Variants in SETBP1 observed in about 807,000 individuals in gnomAD.
SETBP1 encodes SET-binding protein.
SETBP1 carries 9 observed loss-of-function variants against 101.0 expected under a neutral mutation model. The ratio of observed to expected loss-of-function variants is 0.09; its 90% confidence interval spans 0.05 to 0.16. SETBP1 has a LOEUF of 0.16. Ranked by LOEUF, SETBP1 falls within the 10% of genes least tolerant of loss-of-function variation. The pLI, the probability that SETBP1 is intolerant of heterozygous loss-of-function variation, is 1.00. For missense variants in SETBP1, 1,858 were observed against 2,033.8 expected (o/e 0.91, Z 1.66); for synonymous variants, 818 against 788.5 (o/e 1.04, Z -0.63).
chr18:44,680,366 GCCAGCGGAGCCGGAGCCGCCGGGA>G (rs2068738234), upstream of SETBP1: 1 of 151,766 alleles, frequency 6.6e-6, no homozygotes, highest in Admixed American at 6.6e-5. Context: ...GAGCGCCGGG[GCCAGCGGAGCCGGAGCCGCCGGGA>G]CATGGGTGAG....
chr18:44,881,578 A>G (rs937900869), intron 3 of SETBP1, among the ~76,000 whole-genome samples: 3 of 152,136 alleles, frequency 2.0e-5, no homozygotes, highest in Admixed American at 6.5e-5. Flanking sequence ...TTCCATCGTG[A>G]TGTGTTTAGT....
chr18:44,874,041 T>C (rs950088524), intron 3 of SETBP1, among the ~76,000 whole-genome samples: 4 of 152,222 alleles, frequency 2.6e-5, no homozygotes, highest in Admixed American at 6.5e-5. Context: ...GCTTCCACAA[T>C]TGTTACCATT....
intron 1 of SETBP1, 103 bp from the exon 2 acceptor site, chr18:44,701,072 C>T (rs1397420859): frequency 3.8e-5 from 13 of 341,068 alleles, no homozygotes; most frequent in South Asian, 1.2e-4. Context: ...TTCTTTTTTC[C>T]GGATGCCATA....
intron 2 of SETBP1, among the ~76,000 whole-genome samples, chr18:44,781,603 A>G (rs1471190143): frequency 1.3e-5 from 2 of 151,956 alleles, no homozygotes; most frequent in African/African-American, 4.8e-5. Flanking sequence ...GGCATAAAAA[A>G]TGCCTAATCA....
chr18:45,047,311 A>G (rs577595171), intron 5 of SETBP1, among the ~76,000 whole-genome samples: 2 of 152,338 alleles, frequency 1.3e-5, no homozygotes, highest in South Asian at 2.1e-4. Flanking sequence ...CAAATATTCA[A>G]GCTTCTCTTT....
At chr18:44,878,264 C>G (rs1371597727) in intron 3 of SETBP1, among the ~76,000 whole-genome samples, 3 of 152,182 alleles carry the variant, frequency 2.0e-5, no homozygotes, top group African/African-American at 7.2e-5. Context: ...TCTATGATCC[C>G]TGGAGACTCC....
intron 2 of SETBP1, among the ~76,000 whole-genome samples, chr18:44,727,685 C>T (rs1462870555): frequency 6.6e-6 from 1 of 152,198 alleles, no homozygotes; most frequent in African/African-American, 2.4e-5. Context: ...AAATCAGATT[C>T]TCGAAGGTGA....
intron 4 of SETBP1, among the ~76,000 whole-genome samples, chr18:45,006,198 C>A (rs1022380638): frequency 6.6e-6 from 1 of 151,918 alleles, no homozygotes; most frequent in African/African-American, 2.4e-5. Context: ...ATGATCCTCC[C>A]ACCTTGGCCT....
At chr18:44,737,653 T>G (rs1372726201) in intron 2 of SETBP1, among the ~76,000 whole-genome samples, 2 of 152,266 alleles carry the variant, frequency 1.3e-5, no homozygotes, top group African/African-American at 4.8e-5. Context: ...GTCTGTAGGA[T>G]GAAGGCATTA....
At chr18:44,706,591 CAAAAAAAAAAA>C (rs1018470585) in intron 2 of SETBP1, among the ~76,000 whole-genome samples, 5 of 16,966 alleles carry the variant, frequency 2.9e-4, no homozygotes, top group African/African-American at 7.1e-4. Flanking sequence ...GACTCAATCT[CAAAAAAAAAAA>C]AAAAAAAAAA....
At position 44,952,103 on chromosome 18, in the gene SETBP1, T is replaced by A. The variant is rs1049541618; in HGVS notation, c.2763T>A (p.His921Gln). 4 of 1,613,964 alleles carry A rather than the reference T, an allele frequency of 2.5e-6. No individual in the cohort carries two copies. The highest frequency in any genetic ancestry group is 2.5e-6 in the Non-Finnish European group (3 of 1,180,002). Residue 921 changes from histidine (H) to glutamine (Q), a missense_variant, in exon 4 of 6, where the codon CAT (histidine) becomes CAA (glutamine). Physicochemically the swap from His to Gln is conservative, Grantham distance 24 (BLOSUM62 0). This residue lies in a region of SETBP1 where 255 missense variants were observed against 300.1 expected (regional missense o/e 0.85). Coordinates refer to ENST00000649279, the MANE Select transcript of SETBP1 (RefSeq NM_015559.3). The part of the protein sequence containing the change: ...TKNRHGHRQK[H>Q]LIVDNFLAHE... ...ACCGGCATGGCCACCGGCAAAAGCA[T>A]CTCATTGTGGACAACTTTCTGGCCC... is the stretch of plus-strand genomic sequence containing the variant.
intron 4 of SETBP1, among the ~76,000 whole-genome samples, chr18:45,016,362 T>A (rs1278179473): frequency 6.6e-6 from 1 of 152,004 alleles, no homozygotes; most frequent in Non-Finnish European, 1.5e-5. Context: ...TGCCCTAAAG[T>A]GACACCAAGG....
intron 2 of SETBP1, among the ~76,000 whole-genome samples, chr18:44,866,677 A>G (rs2069135953): frequency 6.6e-6 from 1 of 152,100 alleles, no homozygotes; most frequent in Admixed American, 6.5e-5. Context: ...ATACTAACAC[A>G]TGTTGGTGGG....
At chr18:44,912,571 C>G (rs987963963) in intron 3 of SETBP1, among the ~76,000 whole-genome samples, 8 of 152,038 alleles carry the variant, frequency 5.3e-5, no homozygotes, top group Non-Finnish European at 8.8e-5. Flanking sequence ...GCACCTGCCA[C>G]CATGCCCGGC....
chr18:44,873,418 G>T (rs911678628), intron 3 of SETBP1, among the ~76,000 whole-genome samples: 2 of 152,164 alleles, frequency 1.3e-5, no homozygotes, highest in Admixed American at 1.3e-4. Flanking sequence ...GCACAGTGAG[G>T]TATTGTTTCT....
chr18:44,903,707 G>T (rs2070105739), intron 3 of SETBP1, among the ~76,000 whole-genome samples: 1 of 152,122 alleles, frequency 6.6e-6, no homozygotes, highest in Admixed American at 6.5e-5. Flanking sequence ...TTCATCCCCA[G>T]GGTATATCAC....
intron 2 of SETBP1, among the ~76,000 whole-genome samples, chr18:44,856,107 GGA>G (rs2072972355): frequency 6.7e-6 from 1 of 149,748 alleles, no homozygotes; most frequent in Non-Finnish European, 1.5e-5. Context: ...CTATTTCACA[GGA>G]AGATCATGAA....
At position 44,952,004 on chromosome 18, in the gene SETBP1, C is replaced by T. The variant is rs754648102; in HGVS notation, c.2664C>T (p.Ser888=). 1.5e-5 allele frequency: 25 copies of T among 1,613,850 alleles called. No homozygotes were observed. Among genetic ancestry groups the T allele is most frequent in the Non-Finnish European group, 2.1e-5 (25 of 1,180,008 alleles). Residue 888 remains serine (S), a synonymous_variant, in exon 4 of 6, where the codon TCC becomes TCT. Coordinates refer to ENST00000649279, the MANE Select transcript of SETBP1 (RefSeq NM_015559.3). ...ACCAAGCGGAGAAGAGCTCAGAATC[C>T]CGAAGGAGGTACTCTTTTGATTTCT... is the stretch of plus-strand genomic sequence containing the variant. ...TSDQAEKSSE[S]RRRYSFDFCS...
At position 44,701,744 on chromosome 18, in the gene SETBP1, T is replaced by G; in HGVS notation, c.398T>G (p.Ile133Ser). ...TGTCCACCTGAGATCAAGATCACCA[T>G]CAAGCAGTCTGGGGACCAGAAGGTG... ...YICPPEIKIT[I>S]KQSGDQKVSR... Residue 133 changes from isoleucine (I) to serine (S), a missense_variant, in exon 2 of 6, where the codon ATC (isoleucine) becomes AGC (serine). By Grantham distance (142) the Ile-to-Ser change is moderately radical. Around this residue, in one of 12 missense-constraint regions of SETBP1, gnomAD observed 581 missense variants for 535.1 expected, o/e 1.09. Coordinates refer to ENST00000649279, the MANE Select transcript of SETBP1 (RefSeq NM_015559.3). The G allele has an allele frequency of 6.2e-7, 1 of 1,613,930 alleles. No homozygotes were observed. The highest frequency in any genetic ancestry group is 8.5e-7 in the Non-Finnish European group (1 of 1,179,968).
Sources: gnomAD v4.1 joint callset for allele counts (sites outside exome capture counted in the v4.1 genomes callset) on GRCh38, gnomAD v4.1.1 for gene constraint, gnomAD v4.1.1 regional missense constraint, MANE v1.5 for transcripts, NCBI Gene and HGNC (gene_info 2026-07-23, HGNC 2026-07-21) for gene names.